Variants in UAP1 observed in about 807,000 individuals in gnomAD.
UAP1 encodes the protein UDP-N-acetylglucosamine pyrophosphorylase 1.
Under a neutral mutation model 58.5 loss-of-function variants are expected in UAP1, and 25 were observed. The observed-to-expected ratio is 0.43, with a 90% confidence interval of 0.31 to 0.60. UAP1 has a LOEUF of 0.60. Among genes scored for constraint, UAP1 ranks in the 20% least tolerant of loss-of-function variants. The pLI is 0.11. For synonymous variants in UAP1, 208 were observed against 213.0 expected, an observed-to-expected ratio of 0.98 and a Z score of 0.21; for missense variants, 575 against 630.0, an observed-to-expected ratio of 0.91 and a Z score of 0.93.
chr1:162,580,313 TTGG>T (rs1489477621), intron 4 of UAP1, among the ~76,000 whole-genome samples: 5 of 152,210 alleles, frequency 3.3e-5, no homozygotes, highest in Non-Finnish European at 5.9e-5. Context: ...ATTAAAATAA[TTGG>T]TGGCATTAAA....
chr1:162,562,488 G>A (rs745841028), intron 1 of UAP1: 1 of 151,834 alleles, frequency 6.6e-6, no homozygotes, highest in Non-Finnish European at 1.5e-5. Context: ...TGGTATTGGA[G>A]GGCTGAGCAC....
chr1:162,592,615 G>A (rs1179166516), intron 8 of UAP1, 117 bp from the exon 9 acceptor site: 10 of 776,202 alleles, frequency 1.3e-5, no homozygotes, highest in East Asian at 8.3e-5. Context: ...CTCTTGGGAC[G>A]AATTTATGAT....
intron 9 of UAP1, among the ~76,000 whole-genome samples, chr1:162,595,045 A>G (rs12040665): frequency 0.19 from 28,184 of 152,180 alleles, 2,827 homozygotes; most frequent in Middle Eastern, 0.28. Context: ...TTGACTCGAT[A>G]TTATTTTTAT....
intron 2 of UAP1, among the ~76,000 whole-genome samples, chr1:162,571,939 AG>A (rs1557966848): frequency 1.3e-5 from 2 of 152,258 alleles, no homozygotes; most frequent in Admixed American, 6.5e-5. Flanking sequence ...TTGATTCTCC[AG>A]GAACTGCTGC....
intron 2 of UAP1, among the ~76,000 whole-genome samples, chr1:162,573,067 G>A (rs1653964662): frequency 6.6e-6 from 1 of 152,156 alleles, no homozygotes; most frequent in African/African-American, 2.4e-5. Context: ...ATATAAAACA[G>A]TTTTCAAATG....
At chr1:162,588,458 T>C (rs1231289683) in intron 6 of UAP1, among the ~76,000 whole-genome samples, 1 of 152,254 alleles carries the variant, frequency 6.6e-6, no homozygotes, top group Non-Finnish European at 1.5e-5. Context: ...AATACAGTTT[T>C]AATGCACACG....
Position 162,597,778 on chromosome 1 carries a change from G to T in UAP1, c.1410-14G>T, listed in dbSNP as rs1655695909. ...GAAGCAAAGTCTTTAACACATACTT[G>T]TTTTTTTTCTTAGCTTGAAGGATGC... On this transcript the variant is annotated splice_polypyrimidine_tract_variant and intron_variant, in intron 9 of 10. Coordinates refer to ENST00000271469, the Ensembl canonical transcript of UAP1. 2 of 1,609,500 alleles carry T rather than the reference G, an allele frequency of 1.2e-6. No individual in the cohort carries two copies. The highest frequency in any genetic ancestry group is 1.7e-6 in the Non-Finnish European group (2 of 1,177,340).
At chr1:162,571,317 C>CG (rs1195173717) in intron 2 of UAP1, among the ~76,000 whole-genome samples, 1 of 151,758 alleles carries the variant, frequency 6.6e-6, no homozygotes, top group Non-Finnish European at 1.5e-5. Flanking sequence ...TTAGTAGAGA[C>CG]GGGGGTTTCA....
In UAP1 at chr1:162,579,337, A is replaced by G; in HGVS notation, c.486-91A>G. On this transcript the variant is annotated intron_variant, in intron 3 of 10. Transcript: ENST00000271469. ...CAAAATAATAAGCAAGTGCTTTCAAAGATATCTTTAGCTTAGGAAATAGAC... is the reference window on the plus strand; with the variant it reads ...CAAAATAATAAGCAAGTGCTTTCAAGGATATCTTTAGCTTAGGAAATAGAC... 5.2e-6 allele frequency: 5 copies of G among 961,048 alleles called. No individual in the cohort carries two copies. The South Asian group carries it at 1.8e-4, about 35-fold the overall frequency. The allele number at this position is 961,048 out of a possible 1,614,324, so 59.5% of individuals were successfully genotyped here.
intron 1 of UAP1, among the ~76,000 whole-genome samples, chr1:162,563,285 A>G (rs1199915922): frequency 2.0e-5 from 3 of 152,184 alleles, no homozygotes; most frequent in African/African-American, 7.2e-5. Flanking sequence ...TATGAACATT[A>G]TACAACATGT....
At chr1:162,590,560 C>T (rs1250246486) in intron 8 of UAP1, 49 bp downstream of exon 8, 1 of 1,461,664 alleles carries the variant, frequency 6.8e-7, no homozygotes, top group Non-Finnish European at 9.2e-7. Context: ...TTGGACTTTT[C>T]CTCTTGGACT....
chr1:162,597,770 A>G, intron 9 of UAP1, 22 bp from the exon 10 acceptor site: 2 of 1,608,148 alleles, frequency 1.2e-6, no homozygotes, highest in Non-Finnish European at 8.5e-7. Flanking sequence ...AGTCTTTAAC[A>G]CATACTTGTT....
At chr1:162,590,572 C>T in intron 8 of UAP1, 61 bp downstream of exon 8, 2 of 359,242 alleles carry the variant, frequency 5.6e-6, no homozygotes, top group South Asian at 8.5e-5. Flanking sequence ...TCTTGGACTT[C>T]TCTCTCTCTC....
rs762946894 is a variant in UAP1, at chr1:162,599,221, A to G, written c.1477-50A>G. ...ATCATTATAGCAAGTCCAGCACTGC[A>G]TGACAAGTGCAAATTTTCTAATTGT... On this transcript the variant is annotated intron_variant, in intron 10 of 10. Transcript: ENST00000271469. 6.8e-6 allele frequency: 9 copies of G among 1,317,600 alleles called. No individual in the cohort carries two copies. In the Admixed American group the frequency reaches 6.9e-5, roughly 10 times the overall value. 81.6% of individuals were successfully genotyped at this position (1,317,600 alleles called of 1,614,324 possible). A position where few individuals can be genotyped will look rare whatever the true frequency, so the allele number is the denominator to read the frequency against.
chr1:162,591,363 G>T (rs1485678184), intron 8 of UAP1, among the ~76,000 whole-genome samples: 1 of 152,158 alleles, frequency 6.6e-6, no homozygotes, highest in Non-Finnish European at 1.5e-5. Context: ...TAGAAGAGAA[G>T]TAAATGTCAG....
At chr1:162,561,811 G>C (rs1653153456) in intron 1 of UAP1, 34 bp downstream of exon 1, 1 of 152,442 alleles carries the variant, frequency 6.6e-6, no homozygotes, top group African/African-American at 2.4e-5. Context: ...GGAGACGGCG[G>C]GGCTCGGGAC....
chr1:162,599,465 C>G, exon 11 of UAP1: 2 of 712,168 alleles, frequency 2.8e-6, no homozygotes, highest in Admixed American at 5.5e-5. Context: ...GTTTAAATAT[C>G]CACAGGGTTT....
At chr1:162,599,040 T>C (rs1433576599) in intron 10 of UAP1, among the ~76,000 whole-genome samples, 1 of 152,154 alleles carries the variant, frequency 6.6e-6, no homozygotes, top group Non-Finnish European at 1.5e-5. Context: ...ATGTTTATCT[T>C]ATTAACTGTA....
chr1:162,582,030 C>T (rs558670317), intron 5 of UAP1, among the ~76,000 whole-genome samples: 6 of 152,164 alleles, frequency 3.9e-5, no homozygotes, highest in East Asian at 1.9e-4. Flanking sequence ...CTTTTCAACA[C>T]GTTTTTAGTT....
Sources: gnomAD v4.1 joint callset for allele counts (sites outside exome capture counted in the v4.1 genomes callset) on GRCh38, gnomAD v4.1.1 for gene constraint, MANE v1.5 for transcripts, NCBI Gene and HGNC (gene_info 2026-07-23, HGNC 2026-07-21) for gene names.